BRIP1: variants seen among roughly 807,000 people sequenced by gnomAD.
BRIP1 encodes BRCA1 interacting DNA helicase 1, also known as Fanconi anemia group J protein.
Under a neutral mutation model 119.7 loss-of-function variants are expected in BRIP1, and 88 were observed. The ratio of observed to expected loss-of-function variants is 0.74; its 90% CI spans 0.62 to 0.88. The LOEUF (loss-of-function observed/expected upper bound fraction) is 0.88, where lower values mean the gene tolerates loss of function less well. BRIP1 is among the 40% of genes least tolerant of loss of function. The pLI, the probability that BRIP1 is intolerant of heterozygous loss-of-function variation, is 0.00. For missense variants in BRIP1, 1,259 were observed against 1,455.4 expected (o/e 0.87, Z 2.20); for synonymous variants, 443 against 496.5 (o/e 0.89, Z 1.43).
chr17:61,697,618 T>C (rs1310688231), intron 17 of BRIP1, among the ~76,000 whole-genome samples: 5 of 152,088 alleles, frequency 3.3e-5, no homozygotes, highest in Non-Finnish European at 7.4e-5. Flanking sequence ...ACAAATCAAC[T>C]TTTGTTACCT....
chr17:61,759,588 C>T lies in BRIP1; in HGVS notation c.2098-14997G>A, dbSNP rs1466471904. Among the ~76,000 whole-genome samples the T allele has an allele frequency of 6.6e-6, 1 of 152,134 alleles. No individual in the cohort carries two copies. The highest frequency in any genetic ancestry group is 6.5e-5 in the Admixed American group (1 of 15,268). On this transcript the variant is annotated intron_variant, in intron 14 of 19. Transcript: ENST00000259008. This position sits in a 1 kb window ranked among gnomAD's most constrained non-coding sequence, Gnocchi z 4.9. The stretch of plus-strand genomic sequence containing the variant: ...ACCAAATGGACCTAACAGGCATTTA[C>T]AGGCATACCTTGGAGATATTGTAGG...
At position 61,781,651 on chromosome 17, in the gene BRIP1, G is replaced by A. The variant is rs564715019; in HGVS notation, c.1629-646C>T. On this transcript the variant is annotated intron_variant, in intron 11 of 19. Transcript: ENST00000259008. ...AAAATAATAAAATGTGGCCAGGCGC[G>A]GTGGTTCACACCTGTAATCCCAGCA... 2.6e-3 allele frequency among the ~76,000 whole-genome samples: 395 copies of A among 152,178 alleles called. 1 individual carries two copies. The highest frequency in any genetic ancestry group is 4.4e-3 in the Non-Finnish European group (299 of 67,994).
chr17:61,783,993 G>A lies in BRIP1; in HGVS notation c.1628+277C>T, dbSNP rs1258458957. On this transcript the variant is annotated intron_variant, in intron 11 of 19. Transcript: ENST00000259008. ...CAGCTACTCAGGAAACAGGTGGGAG[G>A]ATTGCTTAAGCCCAGGAGGTCAAAG... The A allele has an allele frequency of 2.1e-5, 6 of 291,362 alleles. No individual in the cohort carries two copies. The East Asian group carries it at 3.9e-4, about 19-fold the overall frequency. 18.0% of individuals were successfully genotyped at this position (291,362 alleles called of 1,614,324 possible). A position where few individuals can be genotyped will look rare whatever the true frequency, so the allele number is the denominator to read the frequency against.
intron 14 of BRIP1, among the ~76,000 whole-genome samples, chr17:61,773,234 G>A (rs534664951): frequency 6.6e-6 from 1 of 152,032 alleles, no homozygotes; most frequent in East Asian, 1.9e-4. Context: ...AAAACCTGCA[G>A]AACAACTAAT....
Position 61,860,309 on chromosome 17 carries a change from C to A in BRIP1, c.94-402G>T, listed in dbSNP as rs2078956586. Among the ~76,000 whole-genome samples the A allele has an allele frequency of 6.6e-6, 1 of 152,182 alleles. No individual in the cohort carries two copies. The highest frequency in any genetic ancestry group is 6.5e-5 in the Admixed American group (1 of 15,284). On this transcript the variant is annotated intron_variant, in intron 2 of 19. Transcript: ENST00000259008. The surrounding 1 kb of genome is among the most constrained non-coding windows in gnomAD (Gnocchi z 4.1). ...TCTTATAAAGTGAAGATGCCCAGCTCCAGCAAGTCCAGTTCTATGTGTACA... is the reference window on the plus strand; with the variant it reads ...TCTTATAAAGTGAAGATGCCCAGCTACAGCAAGTCCAGTTCTATGTGTACA...
rs373156872 is a variant in BRIP1 at position 61,680,629 on chromosome 17, G to A, written c.*2667C>T. Among the ~76,000 whole-genome samples, 95 of 151,606 alleles carry A rather than the reference G, an allele frequency of 6.3e-4. 1 individual carries two copies. In the East Asian group the frequency reaches 0.018, roughly 28 times the overall value. On this transcript the variant is annotated 3_prime_UTR_variant, in exon 20 of 20. Coordinates refer to ENST00000259008, the MANE Select transcript of BRIP1 (RefSeq NM_032043.3). ...TGAGTAGCTGGGACTACAGGCGCCC[G>A]CCACCACGCCTGGCTAATTTTTTGT... is the stretch of plus-strand genomic sequence containing the variant.
At position 61,823,364 on chromosome 17, in the gene BRIP1, T is replaced by G. The variant is rs934792468; in HGVS notation, c.628-14607A>C. ...GACAAGATATATGAAACAGTACTTT[T>G]CAGACACTGAATTGTGATCTCAGAG... On this transcript the variant is annotated intron_variant, in intron 6 of 19. Coordinates refer to ENST00000259008, the MANE Select transcript of BRIP1 (RefSeq NM_032043.3). This position sits in a 1 kb window ranked among gnomAD's most constrained non-coding sequence, Gnocchi z 4.8. Among the ~76,000 whole-genome samples, 9 of 152,186 alleles carry G rather than the reference T, an allele frequency of 5.9e-5. No individual in the cohort carries two copies. The highest frequency in any genetic ancestry group is 1.2e-4 in the African/African-American group (5 of 41,446).
intron 4 of BRIP1, 128 bp from the exon 5 acceptor site, chr17:61,849,384 C>G (rs1486515186): frequency 2.6e-6 from 2 of 767,806 alleles, no homozygotes; most frequent in Non-Finnish European, 4.2e-6. Context: ...AAACATGAAA[C>G]TTAAACATGT....
At position 61,778,990 on chromosome 17, in the gene BRIP1, C is replaced by A. The variant is rs1225748076; in HGVS notation, c.1935+1271G>T. Among the ~76,000 whole-genome samples, 1 of 152,128 alleles carries A rather than the reference C, an allele frequency of 6.6e-6. No individual in the cohort carries two copies. The highest frequency in any genetic ancestry group is 1.5e-5 in the Non-Finnish European group (1 of 68,016). ...TTTAGCATTAACCACAGCTTAACAT[C>A]ACCTGTGTGCCTAACCACTTTAAAA... is the stretch of plus-strand genomic sequence containing the variant. On this transcript the variant is annotated intron_variant, in intron 13 of 19. Coordinates refer to ENST00000259008, the MANE Select transcript of BRIP1 (RefSeq NM_032043.3). The surrounding 1 kb of genome is among the most constrained non-coding windows in gnomAD (Gnocchi z 4.4).
chr17:61,694,073 A>G (rs1567738334), intron 17 of BRIP1, among the ~76,000 whole-genome samples: 1 of 152,170 alleles, frequency 6.6e-6, no homozygotes, highest in Admixed American at 6.5e-5. Flanking sequence ...GTTTAAAAAA[A>G]CACATTAAAA....
rs73332538 is a variant in BRIP1, at chr17:61,842,251, G to A, written c.627+4850C>T. On this transcript the variant is annotated intron_variant, in intron 6 of 19. Coordinates refer to ENST00000259008, the MANE Select transcript of BRIP1 (RefSeq NM_032043.3). The surrounding 1 kb of genome is among the most constrained non-coding windows in gnomAD (Gnocchi z 5.1). ...AAAAAAATGAGCTCATAGAAGTAGA[G>A]TAAATTGTGGTTATCAGAGGTTAGG... Among the ~76,000 whole-genome samples the A allele has an allele frequency of 3.7e-3, 560 of 152,136 alleles. 4 individuals carry two copies. The highest frequency in any genetic ancestry group is 0.013 in the African/African-American group (529 of 41,492).
rs1217806735 is a variant in BRIP1, at chr17:61,736,414, A to G, written c.2379+6599T>C. Among the ~76,000 whole-genome samples the G allele has an allele frequency of 6.6e-6, 1 of 152,198 alleles. No individual in the cohort carries two copies. The highest frequency in any genetic ancestry group is 2.4e-5 in the African/African-American group (1 of 41,472). Reference sequence around the variant, plus strand: ...ATATAAGATACTCCCTCCACTTATTATGTTCTACTATGTATTAAATAAAGT... The same window carrying G: ...ATATAAGATACTCCCTCCACTTATTGTGTTCTACTATGTATTAAATAAAGT... On this transcript the variant is annotated intron_variant, in intron 16 of 19. Coordinates refer to ENST00000259008, the MANE Select transcript of BRIP1 (RefSeq NM_032043.3). The surrounding 1 kb of genome is among the most constrained non-coding windows in gnomAD (Gnocchi z 4.4).
At position 61,776,386 on chromosome 17, in the gene BRIP1, T is replaced by G; in HGVS notation, c.2097+15A>C. 1 of 1,613,726 alleles carries G rather than the reference T, an allele frequency of 6.2e-7. No individual in the cohort carries two copies. The highest frequency in any genetic ancestry group is 8.5e-7 in the Non-Finnish European group (1 of 1,179,684). On this transcript the variant is annotated intron_variant, in intron 14 of 19. Transcript: ENST00000259008. This position sits in a 1 kb window ranked among gnomAD's most constrained non-coding sequence, Gnocchi z 5.0. ...GATTATTTAAAGGCAAAAGAAACAA[T>G]AAATATTCCCTTACCTTGTAAGATG...
chr17:61,715,073 G>A (rs1028345234), intron 17 of BRIP1, among the ~76,000 whole-genome samples: 5 of 151,668 alleles, frequency 3.3e-5, no homozygotes, highest in African/African-American at 9.7e-5. Context: ...GGTGGCGCAC[G>A]CCTGTAATCC....
rs8075330 is a variant in BRIP1, at chr17:61,705,502, A to T, written c.2492+10449T>A. On this transcript the variant is annotated intron_variant, in intron 17 of 19. Transcript: ENST00000259008. This position sits in a 1 kb window ranked among gnomAD's most constrained non-coding sequence, Gnocchi z 5.0. The stretch of plus-strand genomic sequence containing the variant: ...GAATGGTAGCTCAACTCTTAGTTCA[A>T]GCAGCTTAATTTTCATTTCACTGAT... Among the ~76,000 whole-genome samples the T allele has an allele frequency of 0.6, 91,874 of 151,976 alleles. 28,367 individuals carry two copies. Among genetic ancestry groups the T allele is most frequent in the Admixed American group, 0.73 (11,196 of 15,250 alleles).
At position 61,857,180 on chromosome 17, in the gene BRIP1, C is replaced by T. The variant is rs1323005329; in HGVS notation, c.257G>A (p.Cys86Tyr). The T allele has an allele frequency of 6.2e-7, 1 of 1,613,984 alleles. No individual in the cohort carries two copies. ...ATCCTTTGAATGGCATGCACAACAA[C>T]ATGACAATTGTACTTCAGCTTTTTC... ...VSEKAEVQLSCCCACHSKDFT... is the reference protein window; with the variant it reads ...VSEKAEVQLSYCCACHSKDFT... The change falls in exon 4 of 20, where the codon TGT becomes TAT. Residue 86 changes from cysteine to tyrosine, a missense_variant. Coordinates refer to ENST00000259008, the MANE Select transcript of BRIP1 (RefSeq NM_032043.3). This position sits in a 1 kb window ranked among gnomAD's most constrained non-coding sequence, Gnocchi z 5.1.
rs1019509568 is a variant in BRIP1 at position 61,815,799 on chromosome 17, T to C, written c.628-7042A>G. On this transcript the variant is annotated intron_variant, in intron 6 of 19. Coordinates refer to ENST00000259008, the MANE Select transcript of BRIP1 (RefSeq NM_032043.3). The surrounding 1 kb of genome is among the most constrained non-coding windows in gnomAD (Gnocchi z 4.1). ...CCTTTATTTCAAAAAGTCATGCATA[T>C]GAAGAGCTAGTGGTAAAAGGCCAAT... 6.6e-6 allele frequency among the ~76,000 whole-genome samples: 1 copy of C among 152,142 alleles called. No individual in the cohort carries two copies. The highest frequency in any genetic ancestry group is 2.4e-5 in the African/African-American group (1 of 41,430).
At chr17:61,859,969 T>C in intron 2 of BRIP1, 62 bp from the exon 3 acceptor site, 3 of 1,182,212 alleles carry the variant, frequency 2.5e-6, no homozygotes, top group Non-Finnish European at 3.8e-6. Flanking sequence ...TCTCTCTCCA[T>C]CTGAAGTTTA....
In BRIP1 at chr17:61,799,813, C is replaced by T. The variant is rs1013124092; in HGVS notation, c.1141-514G>A. Among the ~76,000 whole-genome samples, 1 of 152,040 alleles carries T rather than the reference C, an allele frequency of 6.6e-6. No individual in the cohort carries two copies. Among genetic ancestry groups the T allele is most frequent in the Non-Finnish European group, 1.5e-5 (1 of 67,994 alleles). ...CATAATATATATGTTTTGTTTTAAT[C>T]TGTCCTGCAATCCTTCTCCAACATG... is the stretch of plus-strand genomic sequence containing the variant. On this transcript the variant is annotated intron_variant, in intron 8 of 19. Coordinates refer to ENST00000259008, the MANE Select transcript of BRIP1 (RefSeq NM_032043.3). The surrounding 1 kb of genome is among the most constrained non-coding windows in gnomAD (Gnocchi z 5.1).
Sources: gnomAD v4.1 joint callset for allele counts (sites outside exome capture counted in the v4.1 genomes callset) on GRCh38, gnomAD v4.1.1 for gene constraint, Gnocchi (gnomAD v3.1) non-coding constraint, MANE v1.5 for transcripts, NCBI Gene and HGNC (gene_info 2026-07-23, HGNC 2026-07-21) for gene names.